SSR1: variants seen among roughly 807,000 people sequenced by gnomAD.
SSR1 encodes signal sequence receptor subunit 1.
SSR1 carries 13 observed loss-of-function variants against 36.1 expected under a neutral mutation model. The ratio of observed to expected loss-of-function variants is 0.36; its 90% CI spans 0.23 to 0.57. The LOEUF is 0.57. Among genes scored for constraint, SSR1 ranks in the 20% least tolerant of loss-of-function variants. SSR1 has a pLI of 0.81. For missense variants in SSR1, 291 were observed against 338.5 expected, an observed-to-expected ratio of 0.86 and a Z score of 1.10; for synonymous variants, 113 against 118.9, an observed-to-expected ratio of 0.95 and a Z score of 0.32.
intron 2 of SSR1, among the ~76,000 whole-genome samples, chr6:7,306,372 T>A (rs898274623): frequency 1.3e-5 from 2 of 151,752 alleles, no homozygotes; most frequent in Non-Finnish European, 2.9e-5. Flanking sequence ...CTTGATCTCC[T>A]GACCTCGTGA....
chr6:7,308,930 G>A (rs1422493534), intron 2 of SSR1, among the ~76,000 whole-genome samples: 1 of 152,172 alleles, frequency 6.6e-6, no homozygotes, highest in Non-Finnish European at 1.5e-5. Flanking sequence ...GGAAGCAGCA[G>A]GTATTCCAAA....
At chr6:7,311,761 C>CAAAT (rs3831082) in intron 1 of SSR1, among the ~76,000 whole-genome samples, 1 of 152,080 alleles carries the variant, frequency 6.6e-6, no homozygotes, top group Non-Finnish European at 1.5e-5. Flanking sequence ...AAAAACCAAA[C>CAAAT]ACAAAAACCG....
In SSR1 at chr6:7,309,987, G is replaced by C. The variant is rs1479212900; in HGVS notation, c.122C>G (p.Thr41Arg). ...ATCCTCAATTATGGAATCTTCTACTGTTTCTTCATCCTCTGTAAGATCTTG... is the reference window on the plus strand; with the variant it reads ...ATCCTCAATTATGGAATCTTCTACTCTTTCTTCATCCTCTGTAAGATCTTG... ...VAQDLTEDEE[T>R]VEDSIIEDED... The change falls in exon 2 of 8, where the codon ACA becomes AGA. Residue 41 changes from threonine to arginine, a missense_variant. Physicochemically the swap from Thr to Arg is moderately conservative, Grantham distance 71. Transcript: ENST00000244763. 6.2e-7 allele frequency: 1 copy of C among 1,613,818 alleles called. No homozygotes were observed. Among genetic ancestry groups the C allele is most frequent in the East Asian group, 2.2e-5 (1 of 44,852 alleles).
intron 2 of SSR1, among the ~76,000 whole-genome samples, chr6:7,309,674 T>C (rs1247070581): frequency 6.6e-6 from 1 of 152,166 alleles, no homozygotes; most frequent in Non-Finnish European, 1.5e-5. Flanking sequence ...TATAAGGGGC[T>C]TTCCCCACCC....
chr6:7,301,621 C>A (rs921703644), intron 3 of SSR1, 49 bp from the exon 4 acceptor site: 38 of 1,542,546 alleles, frequency 2.5e-5, no homozygotes, highest in Non-Finnish European at 3.2e-5. Flanking sequence ...GGAAAGAGCA[C>A]AAAATATTTA....
chr6:7,313,090 G>A lies in SSR1; in HGVS notation c.31C>T (p.Leu11Phe), dbSNP rs781241604. The A allele has an allele frequency of 4.4e-6, 7 of 1,608,662 alleles. No homozygotes were observed. Among genetic ancestry groups the A allele is most frequent in the Middle Eastern group, 1.7e-4 (1 of 6,042 alleles). MRLLPRLLLL[L>F]LLVFPATVLF... The stretch of plus-strand genomic sequence containing the variant: ...ACAGTGGCAGGGAACACGAGTAAGA[G>A]AAGCAGCAGCAAGCGGGGGAGGAGT... Residue 11 changes from leucine to phenylalanine, a missense_variant, in exon 1 of 8, where the codon CTC (leucine) becomes TTC (phenylalanine). Physicochemically the swap from Leu to Phe is conservative, Grantham distance 22. Coordinates refer to ENST00000244763, the MANE Select transcript of SSR1 (RefSeq NM_003144.5).
intron 6 of SSR1, 41 bp from the exon 7 acceptor site, chr6:7,295,526 C>T (rs1581629534): frequency 1.5e-6 from 2 of 1,346,606 alleles, no homozygotes; most frequent in Non-Finnish European, 2.1e-6. Context: ...AGTTCCGTTA[C>T]ACCATTTACT....
chr6:7,290,551 ATTGTC>A (rs1460754413), intron 7 of SSR1, among the ~76,000 whole-genome samples: 1 of 152,040 alleles, frequency 6.6e-6, no homozygotes, highest in Non-Finnish European at 1.5e-5. Flanking sequence ...TCCCTCTATT[ATTGTC>A]TTGTCTTACT....
intron 1 of SSR1, among the ~76,000 whole-genome samples, chr6:7,312,361 G>A (rs560592810): frequency 3.9e-5 from 6 of 152,282 alleles, no homozygotes; most frequent in African/African-American, 1.4e-4. Context: ...GACAAGAAGA[G>A]GAAGAAGGCA....
chr6:7,281,848 G>A lies in SSR1; in HGVS notation c.*8016C>T, dbSNP rs1004220383. 1.3e-5 allele frequency: 2 copies of A among 152,228 alleles called. No individual in the cohort carries two copies. Among genetic ancestry groups the A allele is most frequent in the African/African-American group, 4.8e-5 (2 of 41,452 alleles). 9.4% of individuals were successfully genotyped at this position (152,228 alleles called of 1,614,324 possible). ...TGTAAGTGAAAATGAGTCACAGGCA[G>A]TTAGAATGGCGTTAAGGAAACCATT... On this transcript the variant is annotated 3_prime_UTR_variant, in exon 8 of 8. Transcript: ENST00000244763.
At chr6:7,290,040 A>G (rs1020537949) in intron 7 of SSR1, 109 bp from the exon 8 acceptor site, 2 of 801,758 alleles carry the variant, frequency 2.5e-6, no homozygotes, top group Admixed American at 3.9e-5. Context: ...ACACACACAC[A>G]TGGGTGAACA....
intron 7 of SSR1, among the ~76,000 whole-genome samples, chr6:7,292,117 G>A (rs1370627069): frequency 6.6e-6 from 1 of 152,152 alleles, no homozygotes. Flanking sequence ...AGCTACCACT[G>A]ATGCTATATG....
At chr6:7,290,408 CAT>C (rs930849303) in intron 7 of SSR1, among the ~76,000 whole-genome samples, 3 of 69,284 alleles carry the variant, frequency 4.3e-5, no homozygotes, top group African/African-American at 2.3e-4. Context: ...CTGTATCTCC[CAT>C]ATGTTTGTTA....
At chr6:7,290,514 C>A (rs927318841) in intron 7 of SSR1, among the ~76,000 whole-genome samples, 1 of 152,162 alleles carries the variant, frequency 6.6e-6, no homozygotes, top group Non-Finnish European at 1.5e-5. Flanking sequence ...GTTTCCTCAA[C>A]CAGTGAAAGG....
At chr6:7,307,468 G>A (rs1758095332) in intron 2 of SSR1, among the ~76,000 whole-genome samples, 1 of 152,180 alleles carries the variant, frequency 6.6e-6, no homozygotes, top group Non-Finnish European at 1.5e-5. Context: ...TTAAGATATG[G>A]AAAAGTTCTG....
chr6:7,286,186 C>T lies in SSR1; in HGVS notation c.*3678G>A, dbSNP rs1757548906. ...GTTTAATAAATGAGTTCCCTTCCCC[C>T]TTTCTTAAACTGCAGCAAAGTGGTA... On this transcript the variant is annotated 3_prime_UTR_variant, in exon 8 of 8. Transcript: ENST00000244763. 6.6e-6 allele frequency: 1 copy of T among 152,050 alleles called. No homozygotes were observed. The highest frequency in any genetic ancestry group is 6.6e-5 in the Admixed American group (1 of 15,254). The allele number at this position is 152,050 out of a possible 1,614,324, so 9.4% of individuals were successfully genotyped here. A position where few individuals can be genotyped will look rare whatever the true frequency, so the allele number is the denominator to read the frequency against.
At position 7,282,939 on chromosome 6, in the gene SSR1, C is replaced by G. The variant is rs1300968435; in HGVS notation, c.*6925G>C. The G allele has an allele frequency of 1.4e-4, 22 of 152,258 alleles. No individual in the cohort carries two copies. Among genetic ancestry groups the G allele is most frequent in the Admixed American group, 1.4e-3 (22 of 15,284 alleles). 9.4% of individuals were successfully genotyped at this position (152,258 alleles called of 1,614,324 possible). ...TCTGTAGAATTCAAGGGAATGAAAT[C>G]CGCTTCTCATACGTACCAAGGACCA... On this transcript the variant is annotated 3_prime_UTR_variant, in exon 8 of 8. Coordinates refer to ENST00000244763, the MANE Select transcript of SSR1 (RefSeq NM_003144.5).
chr6:7,296,407 C>T (rs896380493), intron 6 of SSR1, among the ~76,000 whole-genome samples: 3 of 151,982 alleles, frequency 2.0e-5, no homozygotes, highest in African/African-American at 4.8e-5. Context: ...TGAGGCAAAG[C>T]GAGTTTTAGA....
chr6:7,300,018 CTAAAACTTCAT>C (rs1757898729), intron 4 of SSR1, among the ~76,000 whole-genome samples: 1 of 151,964 alleles, frequency 6.6e-6, no homozygotes, highest in African/African-American at 2.4e-5. Context: ...AAAGAAGGAA[CTAAAACTTCAT>C]ATATACCTGT....
Sources: allele counts gnomAD v4.1 joint callset (sites outside exome capture counted in the v4.1 genomes callset), GRCh38; gene constraint gnomAD v4.1.1; transcripts MANE v1.5; gene names NCBI Gene and HGNC (gene_info 2026-07-23, HGNC 2026-07-21).